FAM135B: variants seen among roughly 807,000 people sequenced by gnomAD.
The protein encoded by FAM135B is family with sequence similarity 135 member B, also known as protein FAM135B.
A neutral mutation model predicts 127.7 loss-of-function variants in FAM135B; 43 were observed. The ratio of observed to expected loss-of-function variants is 0.34; its 90% CI spans 0.26 to 0.43. FAM135B has a LOEUF of 0.43. Among genes scored for constraint, FAM135B ranks in the 20% least tolerant of loss-of-function variants. FAM135B has a pLI of 1.00. For missense variants in FAM135B, 1,558 were observed against 1,725.6 expected (o/e 0.90, Z 1.72); for synonymous variants, 670 against 665.1 (o/e 1.01, Z -0.11).
chr8:138,455,653 GCT>G (rs1487415933), intron 1 of FAM135B, among the ~76,000 whole-genome samples: 2 of 152,106 alleles, frequency 1.3e-5, no homozygotes, highest in Non-Finnish European at 2.9e-5. Context: ...CTACATTCTG[GCT>G]CTGTTCTTTC....
chr8:138,272,001 G>GT (rs59243425), intron 3 of FAM135B, among the ~76,000 whole-genome samples: 236 of 138,422 alleles, frequency 1.7e-3, no homozygotes, highest in Admixed American at 3.3e-3. Flanking sequence ...GACTCCAAAT[G>GT]TTTTTTTTTT....
At chr8:138,336,697 A>G (rs1828619406) in intron 2 of FAM135B, among the ~76,000 whole-genome samples, 3 of 152,236 alleles carry the variant, frequency 2.0e-5, no homozygotes, top group Non-Finnish European at 2.9e-5. Flanking sequence ...AGCTGCTACC[A>G]TTCCTTCTGA....
chr8:138,408,740 A>G (rs1470903997), intron 1 of FAM135B, among the ~76,000 whole-genome samples: 1 of 152,062 alleles, frequency 6.6e-6, no homozygotes, highest in Non-Finnish European at 1.5e-5. Flanking sequence ...CTTTTAAACC[A>G]TCGGATCTCA....
intron 11 of FAM135B, among the ~76,000 whole-genome samples, chr8:138,169,527 T>C (rs1376664794): frequency 6.7e-6 from 1 of 148,900 alleles, no homozygotes; most frequent in Admixed American, 6.6e-5. Context: ...ACTCTTTAAA[T>C]ATTCTTCTCA....
At position 138,151,525 on chromosome 8, in the gene FAM135B, T is replaced by G. The variant is rs144939952; in HGVS notation, c.2950A>C (p.Thr984Pro). 1 of 1,614,246 alleles carries G rather than the reference T, an allele frequency of 6.2e-7. No individual in the cohort carries two copies. Residue 984 changes from threonine to proline, a missense_variant, in exon 13 of 20, where the codon ACT (threonine) becomes CCT (proline). Thr to Pro is a conservative substitution (Grantham distance 38). This residue lies in a region of FAM135B where 923 missense variants were observed against 865.3 expected (regional missense o/e 1.07). Coordinates refer to ENST00000395297, the MANE Select transcript of FAM135B (RefSeq NM_015912.4). ...GAATGGGTCACAGTGGGGCACACAG[T>G]GCCTGCTTTATGTTTAGCCTCCGGG... ...AFPEAKHKAG[T>P]VCPTVTHSVH...
chr8:138,267,820 T>C (rs1823054844), intron 3 of FAM135B, among the ~76,000 whole-genome samples: 1 of 152,210 alleles, frequency 6.6e-6, no homozygotes, highest in Non-Finnish European at 1.5e-5. Flanking sequence ...ATGAAGGCAA[T>C]AAAATTACTG....
intron 3 of FAM135B, among the ~76,000 whole-genome samples, chr8:138,266,787 C>CACACAT (rs907406809): frequency 1.8e-4 from 1 of 5,596 alleles, no homozygotes; most frequent in African/African-American, 5.0e-4. Context: ...TACACACACA[C>CACACAT]ACACATACAC....
intron 1 of FAM135B, among the ~76,000 whole-genome samples, chr8:138,431,958 A>G: frequency 6.6e-6 from 1 of 152,302 alleles, no homozygotes; most frequent in East Asian, 1.9e-4. Flanking sequence ...ACCCAAAGAT[A>G]ACCAACAATA....
At chr8:138,197,490 G>A (rs772485404) in intron 8 of FAM135B, 26 bp downstream of exon 8, 1 of 1,605,692 alleles carries the variant, frequency 6.2e-7, no homozygotes, top group South Asian at 1.1e-5. Context: ...TGCTGGGATG[G>A]GCTTGCCCCT....
chr8:138,389,983 A>G (rs1832451126), intron 1 of FAM135B, among the ~76,000 whole-genome samples: 2 of 152,188 alleles, frequency 1.3e-5, no homozygotes, highest in Admixed American at 1.3e-4. Context: ...GCACTTAATC[A>G]TTACATGTGT....
At chr8:138,322,860 G>A (rs1165605868) in intron 2 of FAM135B, among the ~76,000 whole-genome samples, 3 of 152,150 alleles carry the variant, frequency 2.0e-5, no homozygotes, top group Non-Finnish European at 2.9e-5. Context: ...GTGATGCGGA[G>A]GTGAAACTCC....
chr8:138,492,414 G>T (rs1310924029), intron 1 of FAM135B, among the ~76,000 whole-genome samples: 1 of 151,950 alleles, frequency 6.6e-6, no homozygotes, highest in Non-Finnish European at 1.5e-5. Flanking sequence ...ATTACCTGAA[G>T]TCAAGCATCT....
intron 7 of FAM135B, among the ~76,000 whole-genome samples, chr8:138,205,573 G>A (rs1167030618): frequency 2.0e-5 from 3 of 152,030 alleles, no homozygotes; most frequent in Non-Finnish European, 4.4e-5. Flanking sequence ...TTACCTTTCC[G>A]GCTCTTTAAT....
intron 1 of FAM135B, among the ~76,000 whole-genome samples, chr8:138,391,801 T>TACAGACAGGTTATGAGGC (rs1832594358): frequency 6.6e-6 from 1 of 152,214 alleles, no homozygotes; most frequent in Non-Finnish European, 1.5e-5. Flanking sequence ...CATCCCCATT[T>TACAGACAGGTTATGAGGC]ACAGACAGGT....
intron 1 of FAM135B, among the ~76,000 whole-genome samples, chr8:138,398,163 A>C (rs1481231211): frequency 6.6e-6 from 1 of 152,138 alleles, no homozygotes; most frequent in Non-Finnish European, 1.5e-5. Flanking sequence ...TGTAAAATGG[A>C]AATGGCACCA....
At chr8:138,291,198 T>C (rs1214671223) in intron 3 of FAM135B, among the ~76,000 whole-genome samples, 1 of 152,214 alleles carries the variant, frequency 6.6e-6, no homozygotes, top group Non-Finnish European at 1.5e-5. Context: ...TCAAGGTAGC[T>C]ATATTTAGAC....
chr8:138,435,367 T>C (rs1835405649), intron 1 of FAM135B, among the ~76,000 whole-genome samples: 1 of 152,028 alleles, frequency 6.6e-6, no homozygotes, highest in African/African-American at 2.4e-5. Flanking sequence ...TCAATGCACC[T>C]CATCTCATTG....
At chr8:138,377,464 T>G (rs1831554307) in intron 1 of FAM135B, among the ~76,000 whole-genome samples, 1 of 152,148 alleles carries the variant, frequency 6.6e-6, no homozygotes, top group Admixed American at 6.5e-5. Context: ...GAGCAGAGCA[T>G]CTGGTGTTCC....
chr8:138,173,243 T>C (rs2130936988), intron 11 of FAM135B, among the ~76,000 whole-genome samples: 1 of 152,306 alleles, frequency 6.6e-6, no homozygotes. Context: ...GCTTATGCTG[T>C]CGGACTGTAA....
Sources: allele counts gnomAD v4.1 joint callset (sites outside exome capture counted in the v4.1 genomes callset), GRCh38; gene constraint gnomAD v4.1.1; regional missense constraint gnomAD v4.1.1; transcripts MANE v1.5; gene names NCBI Gene and HGNC (gene_info 2026-07-23, HGNC 2026-07-21).